SPIRE2: variants seen among roughly 807,000 people sequenced by gnomAD.
SPIRE2 encodes the protein spire type actin nucleation factor 2, also known as protein spire homolog 2.
Under a neutral mutation model 80.7 loss-of-function variants are expected in SPIRE2, and 76 were observed. The ratio of observed to expected loss-of-function variants is 0.94; its 90% CI spans 0.78 to 1.14. The LOEUF is 1.14. SPIRE2 is among the 50% of genes most tolerant of loss of function. The probability of loss-of-function intolerance (pLI) is 0.00; values close to 1 mark genes in which losing one functional copy is unlikely to be tolerated. For synonymous variants in SPIRE2, 535 were observed against 432.6 expected, an observed-to-expected ratio of 1.24 and a Z score of -2.94; for missense variants, 1,196 against 1,015.3, an observed-to-expected ratio of 1.18 and a Z score of -2.42.
chr16:89,854,128 T>G (rs997090010), intron 3 of SPIRE2, among the ~76,000 whole-genome samples, 158 bp from the exon 4 acceptor site: 1 of 152,244 alleles, frequency 6.6e-6, no homozygotes, highest in Non-Finnish European at 1.5e-5. Flanking sequence ...CCAGATACCT[T>G]TTCGAGTCCT....
In SPIRE2 at chr16:89,868,193, G is replaced by A. The variant is rs530541658; in HGVS notation, c.1783G>A (p.Val595Ile). The change falls in exon 13 of 15, where the codon GTC (valine) becomes ATC (isoleucine). Residue 595 changes from valine to isoleucine, a missense_variant. Val to Ile is a conservative substitution (Grantham distance 29). Coordinates refer to ENST00000378247, the MANE Select transcript of SPIRE2 (RefSeq NM_032451.2). ...PPSCLFCKRA[V>I]CTSCSIKMKM... Reference sequence around the variant, plus strand: ...ATTTCCTCTGTTCCCTTCCAGAGCCGTCTGCACTTCCTGTAGCATAAAGGT... The same window carrying A: ...ATTTCCTCTGTTCCCTTCCAGAGCCATCTGCACTTCCTGTAGCATAAAGGT... The A allele has an allele frequency of 2.1e-5, 34 of 1,614,008 alleles. No homozygotes were observed. The highest frequency in any genetic ancestry group is 8.3e-5 in the Admixed American group (5 of 59,992).
intron 12 of SPIRE2, among the ~76,000 whole-genome samples, chr16:89,864,328 G>GCGC (rs972647901): frequency 1.3e-5 from 2 of 151,758 alleles, no homozygotes; most frequent in Admixed American, 6.6e-5. Context: ...GGAGAGGGCT[G>GCGC]CGCCGAGAAA....
At chr16:89,834,709 G>C (rs1389284975) in intron 1 of SPIRE2, among the ~76,000 whole-genome samples, 1 of 94,070 alleles carries the variant, frequency 1.1e-5, no homozygotes, top group East Asian at 3.2e-4. Flanking sequence ...GTAGAAGCCT[G>C]GATAAGCATA....
intron 13 of SPIRE2, 28 bp from the exon 14 acceptor site, chr16:89,869,539 G>T (rs778053814): frequency 6.6e-7 from 1 of 1,509,060 alleles, no homozygotes; most frequent in South Asian, 1.1e-5. Flanking sequence ...GTGGTGCCTG[G>T]TTCATACCTC....
chr16:89,831,489 C>T (rs2041381660), intron 1 of SPIRE2, among the ~76,000 whole-genome samples: 2 of 149,314 alleles, frequency 1.3e-5, no homozygotes, highest in African/African-American at 4.9e-5. Flanking sequence ...GCTTCGCCTA[C>T]TGGGTTCACG....
intron 9 of SPIRE2, among the ~76,000 whole-genome samples, chr16:89,859,820 C>T (rs1398844435): frequency 6.6e-6 from 1 of 152,136 alleles, no homozygotes; most frequent in Non-Finnish European, 1.5e-5. Context: ...GTCCTACCAC[C>T]GTGAGGGCTG....
chr16:89,842,351 T>A (rs984321796), intron 1 of SPIRE2, among the ~76,000 whole-genome samples: 1 of 151,794 alleles, frequency 6.6e-6, no homozygotes, highest in Non-Finnish European at 1.5e-5. Context: ...TAGCTGGGAT[T>A]ACAGGCATGT....
Position 89,870,101 on chromosome 16 carries a change from C to T in SPIRE2, c.1974C>T (p.Ile658=), listed in dbSNP as rs202038987. 3.7e-6 allele frequency: 6 copies of T among 1,613,708 alleles called. No homozygotes were observed. The East Asian group carries it at 1.1e-4, about 30-fold the overall frequency. ...WQSVEEAFPH[I]YSHGCVLKDV... ...GCGTGGAGGAGGCGTTCCCCCACAT[C>T]TACTCCCACGGCTGTGTCCTGAAGG... is the stretch of plus-strand genomic sequence containing the variant. The change falls in exon 15 of 15, where the codon ATC becomes ATT. Residue 658 remains isoleucine, a synonymous_variant. Coordinates refer to ENST00000378247, the MANE Select transcript of SPIRE2 (RefSeq NM_032451.2).
chr16:89,856,771 A>G (rs1340972881), intron 7 of SPIRE2, among the ~76,000 whole-genome samples: 1 of 151,770 alleles, frequency 6.6e-6, no homozygotes, highest in East Asian at 2.0e-4. Flanking sequence ...AAAATAAAAA[A>G]TGATGAGGCT....
In SPIRE2 at chr16:89,834,830, C is replaced by T. The variant is rs569114220; in HGVS notation, c.244+6036C>T. 3.4e-3 allele frequency among the ~76,000 whole-genome samples: 473 copies of T among 138,336 alleles called. 2 individuals are homozygous for T. Among genetic ancestry groups the T allele is most frequent in the African/African-American group, 0.013 (460 of 36,374 alleles). 90.8% of individuals were successfully genotyped at this position (138,336 alleles called of 152,430 possible). The stretch of plus-strand genomic sequence containing the variant: ...CCTGCCCGCATTCGCGGTTGGCCGT[C>T]GTAGAAGGCCCCATAAGCATAGCCC... On this transcript the variant is annotated intron_variant, in intron 1 of 14. Coordinates refer to ENST00000378247, the MANE Select transcript of SPIRE2 (RefSeq NM_032451.2).
intron 3 of SPIRE2, among the ~76,000 whole-genome samples, chr16:89,853,305 A>G (rs1056668563): frequency 1.0e-5 from 1 of 100,492 alleles, no homozygotes; most frequent in Non-Finnish European, 2.1e-5. Context: ...TCCCGGCCAG[A>G]AAGCACTTTC....
intron 1 of SPIRE2, among the ~76,000 whole-genome samples, chr16:89,835,347 A>T (rs2041438005): frequency 6.6e-6 from 1 of 152,130 alleles, no homozygotes; most frequent in East Asian, 1.9e-4. Flanking sequence ...TACTGTTGAG[A>T]TTCGGTTAAT....
intron 7 of SPIRE2, 127 bp from the exon 8 acceptor site, chr16:89,858,211 G>A (rs1567676698): frequency 9.8e-7 from 1 of 1,017,330 alleles, no homozygotes; most frequent in Non-Finnish European, 1.4e-6. Context: ...TAAATGGCTG[G>A]CTAGCCCTCA....
At chr16:89,860,468 C>G (rs1352655625) in intron 9 of SPIRE2, among the ~76,000 whole-genome samples, 2 of 152,082 alleles carry the variant, frequency 1.3e-5, no homozygotes, top group African/African-American at 4.8e-5. Flanking sequence ...GCTACGTTGC[C>G]CAGGGTGGTC....
rs1316920351 is a variant in SPIRE2, at chr16:89,855,533, C to G, written c.892-67C>G. On this transcript the variant is annotated intron_variant, in intron 5 of 14. Transcript: ENST00000378247. Reference sequence around the variant, plus strand: ...CAGGCTGTCCTTGGGCTGAGCAGGCCTCTCCCAGTCGCCCTGCACTAGTGG... The same window carrying G: ...CAGGCTGTCCTTGGGCTGAGCAGGCGTCTCCCAGTCGCCCTGCACTAGTGG... 3.5e-6 allele frequency: 5 copies of G among 1,439,240 alleles called. No individual in the cohort carries two copies. The East Asian group carries it at 9.3e-5, about 27-fold the overall frequency. The allele number at this position is 1,439,240 out of a possible 1,614,324, so 89.2% of individuals were successfully genotyped here. A position where few individuals can be genotyped will look rare whatever the true frequency, so the allele number is the denominator to read the frequency against.
intron 1 of SPIRE2, among the ~76,000 whole-genome samples, chr16:89,844,463 G>C (rs1419875109): frequency 1.4e-5 from 2 of 148,046 alleles, no homozygotes; most frequent in African/African-American, 5.0e-5. Flanking sequence ...TTTTGAGACA[G>C]AGTCTCACTC....
At chr16:89,857,635 A>G (rs980362455) in intron 7 of SPIRE2, among the ~76,000 whole-genome samples, 1 of 149,242 alleles carries the variant, frequency 6.7e-6, no homozygotes, top group Non-Finnish European at 1.5e-5. Context: ...CAGTGGCGCT[A>G]TCTCAGCTCA....
intron 5 of SPIRE2, 52 bp downstream of exon 5, chr16:89,854,703 C>G (rs754556068): frequency 6.4e-7 from 1 of 1,563,984 alleles, no homozygotes; most frequent in Non-Finnish European, 8.7e-7. Context: ...TCGTGGTGAG[C>G]GGGGCGGACG....
At position 89,844,442 on chromosome 16, in the gene SPIRE2, AT is replaced by A. The variant is rs879786015; in HGVS notation, c.245-866del. On this transcript the variant is annotated intron_variant, in intron 1 of 14. Coordinates refer to ENST00000378247, the MANE Select transcript of SPIRE2 (RefSeq NM_032451.2). ...CCACCCACCTCAGCCTCCCAAAGTAATTTTTTTTTTTTTTGAGACAGAGTCT... is the reference window on the plus strand; with the variant it reads ...CCACCCACCTCAGCCTCCCAAAGTAATTTTTTTTTTTTTGAGACAGAGTCT... 4.5e-3 allele frequency among the ~76,000 whole-genome samples: 612 copies of A among 137,102 alleles called. 3 individuals are homozygous for A. The highest frequency in any genetic ancestry group is 9.9e-3 in the African/African-American group (370 of 37,234). 89.9% of individuals were successfully genotyped at this position (137,102 alleles called of 152,430 possible).
Sources: gnomAD v4.1 joint callset for allele counts (sites outside exome capture counted in the v4.1 genomes callset) on GRCh38, gnomAD v4.1.1 for gene constraint, MANE v1.5 for transcripts, NCBI Gene and HGNC (gene_info 2026-07-23, HGNC 2026-07-21) for gene names.